PRKG1: variants seen among roughly 807,000 people sequenced by gnomAD.
PRKG1 encodes cGMP-dependent protein kinase 1.
A neutral mutation model predicts 88.1 loss-of-function variants in PRKG1; 35 were observed. The ratio of observed to expected loss-of-function variants is 0.40; its 90% CI spans 0.30 to 0.53. The LOEUF is 0.53. Among genes scored for constraint, PRKG1 ranks in the 20% least tolerant of loss-of-function variants. The pLI is 0.59. For synonymous variants in PRKG1, 303 were observed against 292.5 expected (o/e 1.04, Z -0.37); for missense variants, 540 against 839.8 (o/e 0.64, Z 4.41).
At chr10:51,955,889 A>G (rs1021565482) in intron 5 of PRKG1, among the ~76,000 whole-genome samples, 12 of 152,152 alleles carry the variant, frequency 7.9e-5, no homozygotes, top group Admixed American at 6.5e-4. Flanking sequence ...GAGCTAATTT[A>G]GTGGCTTCAA....
intron 3 of PRKG1, among the ~76,000 whole-genome samples, chr10:51,674,563 A>T (rs1840663986): frequency 6.6e-6 from 1 of 152,210 alleles, no homozygotes. Flanking sequence ...ATTGCTTTTA[A>T]TTACATTGTG....
chr10:52,207,748 C>T (rs117156291), intron 9 of PRKG1, among the ~76,000 whole-genome samples: 2,028 of 152,286 alleles, frequency 0.013, 21 homozygotes, highest in Middle Eastern at 0.037. Context: ...CAACTCACCT[C>T]TTCCCCAGGG....
chr10:51,354,390 T>C (rs950339617), intron 2 of PRKG1, among the ~76,000 whole-genome samples: 2 of 152,134 alleles, frequency 1.3e-5, no homozygotes, highest in African/African-American at 2.4e-5. Flanking sequence ...TATTACACTT[T>C]GCATGTCTGT....
At chr10:52,201,559 T>C (rs944902035) in intron 9 of PRKG1, among the ~76,000 whole-genome samples, 1 of 152,194 alleles carries the variant, frequency 6.6e-6, no homozygotes, top group Non-Finnish European at 1.5e-5. Flanking sequence ...ACATGAATTT[T>C]AGAATAGTTT....
At position 51,325,488 on chromosome 10, in the gene PRKG1, C is replaced by T. The variant is rs1841565763; in HGVS notation, c.479-142235C>T. Among the ~76,000 whole-genome samples, 4 of 152,176 alleles carry T rather than the reference C, an allele frequency of 2.6e-5. 1 individual carries two copies. In the South Asian group the frequency reaches 6.2e-4, roughly 24 times the overall value. On this transcript the variant is annotated intron_variant, in intron 2 of 17. Transcript: ENST00000373980. ...TGTTGGGATTACAGGCGTTAGCCACCGTGCCTGGCTCTTCAAGTTTTTCAG... is the reference window on the plus strand; with the variant it reads ...TGTTGGGATTACAGGCGTTAGCCACTGTGCCTGGCTCTTCAAGTTTTTCAG...
chr10:52,002,861 AC>A (rs752292192), intron 5 of PRKG1, among the ~76,000 whole-genome samples: 1 of 152,186 alleles, frequency 6.6e-6, no homozygotes, highest in Non-Finnish European at 1.5e-5. Flanking sequence ...TTTTCAGTGT[AC>A]CAATTAAAAT....
chr10:52,271,617 C>A, intron 11 of PRKG1, 128 bp downstream of exon 11: 2 of 987,336 alleles, frequency 2.0e-6, no homozygotes, highest in Non-Finnish European at 1.4e-6. Flanking sequence ...TTAATCTAAT[C>A]TTAAGAAAGT....
At chr10:51,336,006 G>A (rs72803200) in intron 2 of PRKG1, among the ~76,000 whole-genome samples, 166 of 152,310 alleles carry the variant, frequency 1.1e-3, no homozygotes, top group Middle Eastern at 3.4e-3. Context: ...GCCAAGATAT[G>A]TTTGAAATAA....
At chr10:52,093,348 A>G (rs1847100052) in intron 7 of PRKG1, among the ~76,000 whole-genome samples, 1 of 152,132 alleles carries the variant, frequency 6.6e-6, no homozygotes, top group African/African-American at 2.4e-5. Flanking sequence ...GCATTTTTCC[A>G]TTTGTCAGAG....
At chr10:52,232,089 G>A (rs1223520289) in intron 9 of PRKG1, among the ~76,000 whole-genome samples, 1 of 152,100 alleles carries the variant, frequency 6.6e-6, no homozygotes, top group Non-Finnish European at 1.5e-5. Context: ...GATCACCTGA[G>A]GTTGGGAGTT....
At chr10:51,294,302 C>CAAG (rs1451767689) in intron 2 of PRKG1, among the ~76,000 whole-genome samples, 1 of 152,050 alleles carries the variant, frequency 6.6e-6, no homozygotes, top group African/African-American at 2.4e-5. Context: ...AAATTAATTT[C>CAAG]AAGAAGCTTG....
chr10:51,675,029 A>G (rs1208314771), intron 3 of PRKG1, among the ~76,000 whole-genome samples: 1 of 152,200 alleles, frequency 6.6e-6, no homozygotes, highest in Non-Finnish European at 1.5e-5. Flanking sequence ...GTATCTAAAG[A>G]TGGAACTACT....
chr10:51,267,849 GACA>G (rs2132170610), intron 2 of PRKG1, among the ~76,000 whole-genome samples: 1 of 152,276 alleles, frequency 6.6e-6, no homozygotes, highest in Admixed American at 6.5e-5. Context: ...ATAATCGTCA[GACA>G]ACACACAGAG....
chr10:51,164,626 A>G (rs1381360418), intron 2 of PRKG1, among the ~76,000 whole-genome samples: 4 of 152,152 alleles, frequency 2.6e-5, no homozygotes, highest in Non-Finnish European at 5.9e-5. Flanking sequence ...TTCAAACCAA[A>G]GGCAAAGAAG....
chr10:51,143,367 T>A (rs1845868185), intron 1 of PRKG1, among the ~76,000 whole-genome samples: 1 of 152,176 alleles, frequency 6.6e-6, no homozygotes, highest in South Asian at 2.1e-4. Flanking sequence ...CACATTTTCT[T>A]TATTCATTCA....
At chr10:51,831,141 G>T (rs907883648) in intron 4 of PRKG1, among the ~76,000 whole-genome samples, 2 of 151,916 alleles carry the variant, frequency 1.3e-5, no homozygotes, top group African/African-American at 4.8e-5. Flanking sequence ...CTGTTCTTAG[G>T]TATATTTAAG....
At chr10:51,988,401 TTAAG>T (rs1844218425) in intron 5 of PRKG1, among the ~76,000 whole-genome samples, 1 of 152,042 alleles carries the variant, frequency 6.6e-6, no homozygotes, top group Non-Finnish European at 1.5e-5. Flanking sequence ...TTGTATATGA[TTAAG>T]TGTTGGGTTG....
At chr10:51,509,517 G>A (rs918547390) in intron 3 of PRKG1, among the ~76,000 whole-genome samples, 1 of 152,146 alleles carries the variant, frequency 6.6e-6, no homozygotes, top group South Asian at 2.1e-4. Flanking sequence ...TTATAAAATA[G>A]CACTAATATC....
intron 3 of PRKG1, among the ~76,000 whole-genome samples, chr10:51,492,831 A>G (rs1840741702): frequency 1.3e-5 from 2 of 152,310 alleles, no homozygotes; most frequent in African/African-American, 4.8e-5. Context: ...AATTTTGAAT[A>G]AAAATTTGAA....
Sources: allele counts gnomAD v4.1 joint callset (sites outside exome capture counted in the v4.1 genomes callset), GRCh38; gene constraint gnomAD v4.1.1; transcripts MANE v1.5; gene names NCBI Gene and HGNC (gene_info 2026-07-23, HGNC 2026-07-21).